The following PUM3 variants were observed in gnomAD, a reference collection of about 807,000 sequenced individuals.
The protein encoded by PUM3 is pumilio homolog 3.
In PUM3, 91 loss-of-function variants were observed where a neutral mutation model predicts 84.0. That is an observed-to-expected ratio of 1.08 (90% CI 0.91 to 1.29). The LOEUF (loss-of-function observed/expected upper bound fraction) is 1.29. PUM3 is among the 50% of genes most tolerant of loss of function. The pLI is 0.00. For synonymous variants in PUM3, 321 were observed against 266.7 expected (o/e 1.20, Z -1.98); for missense variants, 1,067 against 767.5 (o/e 1.39, Z -4.61).
At chr9:2,824,165 T>C (rs1468822657) in intron 11 of PUM3, among the ~76,000 whole-genome samples, 1 of 152,168 alleles carries the variant, frequency 6.6e-6, no homozygotes, top group East Asian at 1.9e-4. Flanking sequence ...TAGCAAACAG[T>C]TAGTACTCAT....
At position 2,811,522 on chromosome 9, in the gene PUM3, T is replaced by A. The variant is rs60717199; in HGVS notation, c.1474A>T (p.Ser492Cys). 5,418 of 1,614,154 alleles carry A rather than the reference T, an allele frequency of 3.4e-3. 180 individuals carry two copies. The African/African-American group carries it at 0.063, about 19-fold the overall frequency. ...TCTTGGGCGTGTTCTTGCAGGTAGC[T>A]TAACAAAGCTGGAGAAATGGATTCT... ...LLESISPALL[S>C]YLQEHAQEVV... Residue 492 changes from serine (S) to cysteine (C), a missense_variant, in exon 15 of 18, where the codon AGC (serine) becomes TGC (cysteine). Physicochemically the swap from Ser to Cys is moderately radical, Grantham distance 112. Transcript: ENST00000397885.
chr9:2,809,630 C>A (rs909095275), intron 16 of PUM3, among the ~76,000 whole-genome samples: 1 of 152,034 alleles, frequency 6.6e-6, no homozygotes, highest in African/African-American at 2.4e-5. Flanking sequence ...AATGAAAAGC[C>A]CAAACTGTTT....
At position 2,805,744 on chromosome 9, in the gene PUM3, C is replaced by T. The variant is rs185865844; in HGVS notation, c.1815-1281G>A. On this transcript the variant is annotated intron_variant, in intron 17 of 17. Transcript: ENST00000397885. ...GACATAATGCTAGGCATTTTATATG[C>T]ATCATCCAATCTAGTTTTCATAACG... Among the ~76,000 whole-genome samples the T allele has an allele frequency of 1.5e-3, 231 of 152,176 alleles. 1 individual carries two copies. Among genetic ancestry groups the T allele is most frequent in the Non-Finnish European group, 2.5e-3 (167 of 68,010 alleles).
At chr9:2,807,784 T>A in intron 17 of PUM3, 30 bp downstream of exon 17, 1 of 1,424,654 alleles carries the variant, frequency 7.0e-7, no homozygotes, top group South Asian at 1.1e-5. Context: ...GACCAGGCCC[T>A]GCTCAGAGAA....
At chr9:2,830,849 C>T (rs1815955913) in intron 7 of PUM3, 113 bp downstream of exon 7, 1 of 639,384 alleles carries the variant, frequency 1.6e-6, no homozygotes, top group Non-Finnish European at 2.8e-6. Flanking sequence ...TGCTGAGAGC[C>T]ATTACTATTA....
chr9:2,808,159 A>T (rs575952292), intron 16 of PUM3, among the ~76,000 whole-genome samples: 153 of 152,350 alleles, frequency 1.0e-3, no homozygotes, highest in African/African-American at 3.5e-3. Flanking sequence ...TAAACTATGA[A>T]TTCTAATAAA....
Position 2,804,500 on chromosome 9 carries a change from C to T in PUM3, c.1815-37G>A, listed in dbSNP as rs561603106. ...AAAAAAATTAAATTTCATAAGCATT[C>T]CTAGATCATCTCCAATACTACCTGT... On this transcript the variant is annotated intron_variant, in intron 17 of 17. Transcript: ENST00000397885. 4 of 1,593,486 alleles carry T rather than the reference C, an allele frequency of 2.5e-6. No individual in the cohort carries two copies. In the South Asian group the frequency reaches 4.6e-5, roughly 18 times the overall value.
intron 12 of PUM3, among the ~76,000 whole-genome samples, chr9:2,820,886 G>A (rs1821575346): frequency 6.6e-6 from 1 of 152,082 alleles, no homozygotes; most frequent in African/African-American, 2.4e-5. Context: ...CCTACTTTAT[G>A]TTAAGAACAA....
At chr9:2,808,348 G>C (rs1259510216) in intron 16 of PUM3, among the ~76,000 whole-genome samples, 1 of 152,192 alleles carries the variant, frequency 6.6e-6, no homozygotes, top group Non-Finnish European at 1.5e-5. Context: ...GTGTTCACGT[G>C]TTCAACAGTG....
Position 2,811,577 on chromosome 9 carries a change from T to C in PUM3, c.1419A>G (p.Lys473=), listed in dbSNP as rs767701942. Residue 473 remains lysine (K), a synonymous_variant, in exon 15 of 18, where the codon AAA becomes AAG. Coordinates refer to ENST00000397885, the MANE Select transcript of PUM3 (RefSeq NM_014878.5). ...GCTCCCGTCTGCGGACCTCTGTATC[T>C]TTCTTACTGTTGAGTATGTTGAACG... ...QKGDGNAHSK[K]DTEVRRRELL... 12 of 1,612,920 alleles carry C rather than the reference T, an allele frequency of 7.4e-6. No homozygotes were observed. The highest frequency in any genetic ancestry group is 2.2e-5 in the South Asian group (2 of 91,060).
At chr9:2,817,919 C>A (rs1016774313) in intron 13 of PUM3, among the ~76,000 whole-genome samples, 2 of 152,180 alleles carry the variant, frequency 1.3e-5, no homozygotes, top group Non-Finnish European at 2.9e-5. Context: ...CCATTGCTGT[C>A]AAACCGTCTG....
At chr9:2,836,843 G>A (rs371001409) in intron 3 of PUM3, among the ~76,000 whole-genome samples, 1 of 151,926 alleles carries the variant, frequency 6.6e-6, no homozygotes, top group South Asian at 2.1e-4. Flanking sequence ...CTATCTCCTG[G>A]TACAATGCAT....
chr9:2,836,666 GTGAAGGCAGGGTCTCTA>G (rs1468431677), intron 3 of PUM3, among the ~76,000 whole-genome samples: 1 of 152,170 alleles, frequency 6.6e-6, no homozygotes, highest in East Asian at 1.9e-4. Context: ...CCTAAGCTCT[GTGAAGGCAGGGTCTCTA>G]TGTTTCTTGC....
chr9:2,833,975 AC>A lies in PUM3; in HGVS notation c.440+55del. On this transcript the variant is annotated intron_variant, in intron 4 of 17. Transcript: ENST00000397885. ...GGACATCTCACTATTTACAAGGTACACTGACTTCTCCACTGTTGCAAAGGGA... is the reference window on the plus strand; with the variant it reads ...GGACATCTCACTATTTACAAGGTACATGACTTCTCCACTGTTGCAAAGGGA... 3 of 1,570,004 alleles carry A rather than the reference AC, an allele frequency of 1.9e-6. No homozygotes were observed. The South Asian group carries it at 3.5e-5, about 18-fold the overall frequency.
chr9:2,805,807 C>A (rs535206106), intron 17 of PUM3, among the ~76,000 whole-genome samples: 1 of 151,706 alleles, frequency 6.6e-6, no homozygotes, highest in South Asian at 2.1e-4. Flanking sequence ...TTTTTACCAC[C>A]AAGAAAATTA....
chr9:2,812,518 A>C (rs1821395203), intron 13 of PUM3, among the ~76,000 whole-genome samples, 156 bp from the exon 14 acceptor site: 2 of 152,242 alleles, frequency 1.3e-5, no homozygotes, highest in Non-Finnish European at 1.5e-5. Flanking sequence ...AGTGAGCACA[A>C]TGTCCTATAA....
At chr9:2,834,985 C>G (rs1816082412) in intron 3 of PUM3, among the ~76,000 whole-genome samples, 2 of 147,514 alleles carry the variant, frequency 1.4e-5, no homozygotes, top group South Asian at 4.2e-4. Flanking sequence ...AACTATCTCC[C>G]TGTCTCTATA....
intron 5 of PUM3, among the ~76,000 whole-genome samples, chr9:2,832,323 G>A (rs1209070333): frequency 6.6e-6 from 1 of 152,130 alleles, no homozygotes; most frequent in East Asian, 1.9e-4. Flanking sequence ...ACAGATGAGG[G>A]AAGTAAGGTT....
chr9:2,814,489 G>A (rs963131945), intron 13 of PUM3, among the ~76,000 whole-genome samples: 1 of 152,104 alleles, frequency 6.6e-6, no homozygotes, highest in Admixed American at 6.5e-5. Context: ...GGGATTATAG[G>A]CATGAGCCAC....
Sources: gnomAD v4.1 joint callset for allele counts (sites outside exome capture counted in the v4.1 genomes callset) on GRCh38, gnomAD v4.1.1 for gene constraint, MANE v1.5 for transcripts, NCBI Gene and HGNC (gene_info 2026-07-23, HGNC 2026-07-21) for gene names.